Variants in TMEM50B observed in about 807,000 individuals in gnomAD.
TMEM50B encodes the protein transmembrane protein 50B, also known as HCV p7-trans-regulated protein 3.
TMEM50B carries 14 observed loss-of-function variants against 23.4 expected under a neutral mutation model. The ratio of observed to expected loss-of-function variants is 0.60; its 90% confidence interval spans 0.39 to 0.93. The LOEUF (loss-of-function observed/expected upper bound fraction) is 0.93. TMEM50B is among the 40% of genes least tolerant of loss of function. The pLI is 0.00. For missense variants in TMEM50B, 159 were observed against 193.0 expected (o/e 0.82, Z 1.04); for synonymous variants, 64 against 62.3 (o/e 1.03, Z -0.13).
chr21:33,466,735 T>C (rs2084267458), intron 3 of TMEM50B, among the ~76,000 whole-genome samples: 1 of 151,954 alleles, frequency 6.6e-6, no homozygotes, highest in South Asian at 2.1e-4. Flanking sequence ...AAAGTAGATC[T>C]TGCAACTGAC....
rs189873050 is a variant in TMEM50B at position 33,471,066 on chromosome 21, A to G, written c.-41-2140T>C. 1.9e-3 allele frequency among the ~76,000 whole-genome samples: 296 copies of G among 152,270 alleles called. 1 individual carries two copies. The highest frequency in any genetic ancestry group is 6.8e-3 in the Middle Eastern group (2 of 294). ...CAGAAGATGGGAGTTCAGGACCACC[A>G]TAACAGCTGGAAATTGAAGGGGGAC... On this transcript the variant is annotated intron_variant, in intron 1 of 6. Coordinates refer to ENST00000542230, the MANE Select transcript of TMEM50B (RefSeq NM_006134.7).
chr21:33,467,089 C>T lies in TMEM50B; in HGVS notation c.133G>A (p.Ala45Thr). ...TGTTCTGGCTTAGGATACACCACAG[C>T]TGCATCAATCATTATCCACCAGCCT... The part of the protein sequence containing the change: ...FTGWWIMIDA[A>T]VVYPKPEQLN... The change falls in exon 3 of 7, where the codon GCT (alanine) becomes ACT (threonine). Residue 45 changes from alanine to threonine, a missense_variant. Transcript: ENST00000542230. 1.2e-6 allele frequency: 2 copies of T among 1,614,192 alleles called. No homozygotes were observed. The highest frequency in any genetic ancestry group is 2.2e-5 in the South Asian group (2 of 91,088).
At chr21:33,444,957 C>A (rs1471184325), downstream of TMEM50B, among the ~76,000 whole-genome samples, 1 of 151,566 alleles carries the variant, frequency 6.6e-6, no homozygotes, top group East Asian at 1.9e-4. Flanking sequence ...ATGGTGAAAC[C>A]CCATCTCTAC....
intron 1 of TMEM50B, among the ~76,000 whole-genome samples, chr21:33,473,915 G>C (rs1391683977): frequency 6.6e-6 from 1 of 152,138 alleles, no homozygotes; most frequent in Non-Finnish European, 1.5e-5. Context: ...AACTGACTAA[G>C]TAAAAGACAG....
rs529582748 is a variant in TMEM50B, at chr21:33,442,122, T to C, written c.*2037-2825A>G. On this transcript the variant is annotated intron_variant and NMD_transcript_variant, in intron 7 of 8. Transcript: ENST00000420455. The stretch of plus-strand genomic sequence containing the variant: ...CCAGAGCCCTTCAAAATATATTTGC[T>C]GTTTGCCAAATAGTCTCTATTTGAG... Among the ~76,000 whole-genome samples the C allele has an allele frequency of 3.3e-5, 5 of 152,268 alleles. No homozygotes were observed. The South Asian group carries it at 1.0e-3, about 32-fold the overall frequency.
chr21:33,447,838 CAA>C (rs1341287431), downstream of TMEM50B, among the ~76,000 whole-genome samples: 2 of 152,026 alleles, frequency 1.3e-5, no homozygotes, highest in South Asian at 4.1e-4. Context: ...GGTCCACACA[CAA>C]AAAACACTCA....
intron 7 of TMEM50B, among the ~76,000 whole-genome samples, chr21:33,439,998 A>G (rs1204973288): frequency 1.3e-5 from 2 of 152,042 alleles, no homozygotes; most frequent in Non-Finnish European, 2.9e-5. Flanking sequence ...GTGAGCTGAC[A>G]TGGCACCTCT....
At chr21:33,462,270 G>A (rs1038831748) in intron 4 of TMEM50B, among the ~76,000 whole-genome samples, 14 of 152,126 alleles carry the variant, frequency 9.2e-5, no homozygotes, top group Non-Finnish European at 2.9e-5. Flanking sequence ...ACCTGGGCAT[G>A]ACTATAAGAC....
intron 6 of TMEM50B, among the ~76,000 whole-genome samples, chr21:33,452,979 G>A (rs759566352): frequency 1.3e-5 from 2 of 152,258 alleles, no homozygotes; most frequent in East Asian, 1.9e-4. Flanking sequence ...CTTCTAGAGA[G>A]AGAAAATACA....
In TMEM50B at chr21:33,468,864, A is replaced by T; in HGVS notation, c.22T>A (p.Phe8Ile). The T allele has an allele frequency of 6.2e-7, 1 of 1,613,794 alleles. No homozygotes were observed. The highest frequency in any genetic ancestry group is 8.5e-7 in the Non-Finnish European group (1 of 1,179,942). Residue 8 changes from phenylalanine (F) to isoleucine (I), a missense_variant, in exon 2 of 7, where the codon TTT becomes ATT. Physicochemically the swap from Phe to Ile is conservative, Grantham distance 21. Transcript: ENST00000542230. MAGFLDN[F>I]RWPECECIDW... ...ATACATTCACATTCTGGCCAACGAA[A>T]ATTATCTAGGAAGCCTGCCATTTTT... is the stretch of plus-strand genomic sequence containing the variant.
downstream of TMEM50B, among the ~76,000 whole-genome samples, chr21:33,445,679 T>C (rs936988094): frequency 2.0e-5 from 3 of 152,006 alleles, no homozygotes; most frequent in African/African-American, 4.8e-5. Context: ...GTGCCTACAA[T>C]CCCAGTTACT....
At chr21:33,434,452 G>A (rs1601095196) in intron 8 of TMEM50B, among the ~76,000 whole-genome samples, 1 of 152,150 alleles carries the variant, frequency 6.6e-6, no homozygotes, top group South Asian at 2.1e-4. Flanking sequence ...AACCCAGGAG[G>A]TGGAAGTTAC....
downstream of TMEM50B, among the ~76,000 whole-genome samples, chr21:33,445,729 C>CT (rs1303280712): frequency 6.6e-6 from 1 of 151,946 alleles, no homozygotes; most frequent in Non-Finnish European, 1.5e-5. Flanking sequence ...ACCCAGGAGG[C>CT]TGAGGCTGCA....
At chr21:33,444,516 G>T (rs2084035192), downstream of TMEM50B, among the ~76,000 whole-genome samples, 1 of 151,888 alleles carries the variant, frequency 6.6e-6, no homozygotes, top group African/African-American at 2.4e-5. Flanking sequence ...CTGCACTCCA[G>T]CCTGGGTGAC....
intron 1 of TMEM50B, among the ~76,000 whole-genome samples, chr21:33,470,342 T>C (rs1030542436): frequency 6.9e-6 from 1 of 144,824 alleles, no homozygotes; most frequent in Admixed American, 7.2e-5. Context: ...GGAGAATCGC[T>C]TGAACCCGGG....
intron 1 of TMEM50B, chr21:33,478,837 C>A (rs967530811): frequency 2.1e-6 from 1 of 471,082 alleles, no homozygotes. Flanking sequence ...AAAGTGTGAC[C>A]GGCCTGAGAG....
intron 1 of TMEM50B, among the ~76,000 whole-genome samples, chr21:33,477,575 G>A (rs1049959352): frequency 4.0e-5 from 6 of 148,996 alleles, no homozygotes; most frequent in Non-Finnish European, 7.4e-5. Context: ...GGTGGCTCAC[G>A]TCTGTAATCC....
intron 8 of TMEM50B, chr21:33,437,113 T>TG: frequency 1.5e-6 from 1 of 659,162 alleles, no homozygotes; most frequent in Non-Finnish European, 2.6e-6. Flanking sequence ...GCAGGTCTCA[T>TG]GGGGGTGACA....
At chr21:33,447,676 A>G (rs1267055075), downstream of TMEM50B, among the ~76,000 whole-genome samples, 1 of 119,440 alleles carries the variant, frequency 8.4e-6, no homozygotes, top group Non-Finnish European at 1.7e-5. Flanking sequence ...TCTTGTGTAT[A>G]GAAATACACA....
Sources: gnomAD v4.1 joint callset for allele counts (sites outside exome capture counted in the v4.1 genomes callset) on GRCh38, gnomAD v4.1.1 for gene constraint, MANE v1.5 for transcripts, NCBI Gene and HGNC (gene_info 2026-07-23, HGNC 2026-07-21) for gene names.